BIRC5: variants seen among roughly 807,000 people sequenced by gnomAD.
The protein encoded by BIRC5 is baculoviral IAP repeat containing 5.
Under a neutral mutation model 15.8 loss-of-function variants are expected in BIRC5, and 8 were observed. The observed-to-expected ratio is 0.51, with a 90% CI of 0.30 to 0.91. The LOEUF (loss-of-function observed/expected upper bound fraction) is 0.91. Among genes scored for constraint, BIRC5 ranks in the 40% least tolerant of loss-of-function variants. The probability of loss-of-function intolerance (pLI) is 0.07; values close to 1 mark genes in which losing one functional copy is unlikely to be tolerated. For missense variants in BIRC5, 163 were observed against 178.6 expected (o/e 0.91, Z 0.50); for synonymous variants, 56 against 64.5 (o/e 0.87, Z 0.63).
At chr17:78,221,185 A>G (rs8075079) in intron 3 of BIRC5, among the ~76,000 whole-genome samples, 62,459 of 152,130 alleles carry the variant, frequency 0.41, 13,042 homozygotes, top group African/African-American at 0.49. Flanking sequence ...TTACTTGGTA[A>G]ATACTTGTGA....
In BIRC5 at chr17:78,224,051, GT is replaced by G. The variant is rs202011142; in HGVS notation, c.*499del. On this transcript the variant is annotated 3_prime_UTR_variant, in exon 4 of 4. Transcript: ENST00000350051. Reference sequence around the variant, plus strand: ...CTCCTCAGAGGACAGTTTTTTTGTTGTTGTGTTTTTTTGTTTTTTTTTTTTT... The same window carrying G: ...CTCCTCAGAGGACAGTTTTTTTGTTGTGTGTTTTTTTGTTTTTTTTTTTTT... 962 of 114,844 alleles carry G rather than the reference GT, an allele frequency of 8.4e-3. 25 individuals carry two copies. The highest frequency in any genetic ancestry group is 0.024 in the African/African-American group (676 of 28,192). The allele number at this position is 114,844 out of a possible 1,614,324, so 7.1% of individuals were successfully genotyped here. A position where few individuals can be genotyped will look rare whatever the true frequency, so the allele number is the denominator to read the frequency against.
chr17:78,217,308 C>T (rs887404353), intron 3 of BIRC5, among the ~76,000 whole-genome samples: 2 of 147,194 alleles, frequency 1.4e-5, no homozygotes, highest in Non-Finnish European at 1.5e-5. Flanking sequence ...CCCAAGTAGC[C>T]GAGATTACAG....
chr17:78,221,120 C>G (rs2076512468), intron 3 of BIRC5, among the ~76,000 whole-genome samples: 1 of 152,186 alleles, frequency 6.6e-6, no homozygotes, highest in Non-Finnish European at 1.5e-5. Context: ...GAAAATCGAT[C>G]AGGAAATAAA....
chr17:78,217,496 T>C (rs1414656133), intron 3 of BIRC5, among the ~76,000 whole-genome samples: 1 of 151,532 alleles, frequency 6.6e-6, no homozygotes, highest in Admixed American at 6.6e-5. Context: ...TTTTTATTTT[T>C]AAATTTATTT....
At chr17:78,217,622 G>A (rs1395194831) in intron 3 of BIRC5, among the ~76,000 whole-genome samples, 2 of 151,662 alleles carry the variant, frequency 1.3e-5, no homozygotes, top group South Asian at 4.2e-4. Flanking sequence ...TCAGCCTCCC[G>A]AGTAGCTGGG....
Position 78,223,482 on chromosome 17 carries a change from T to G in BIRC5, c.357T>G (p.Asn119Lys). 6.2e-7 allele frequency: 1 copy of G among 1,600,774 alleles called. No individual in the cohort carries two copies. Among genetic ancestry groups the G allele is most frequent in the Non-Finnish European group, 8.5e-7 (1 of 1,173,236 alleles). Residue 119 changes from asparagine (N) to lysine (K), a missense_variant, in exon 4 of 4, where the codon AAT (asparagine) becomes AAG (lysine). Physicochemically the swap from Asn to Lys is moderately conservative, Grantham distance 94. Transcript: ENST00000350051. Reference protein sequence around the residue: ...AKNKIAKETNNKKKEFEETAE... With the variant: ...AKNKIAKETNKKKKEFEETAE... ...ATTTCCAGGCAAAGGAAACCAACAA[T>G]AAGAAGAAAGAATTTGAGGAAACTG...
At chr17:78,214,561 G>A (rs2076463865) in intron 1 of BIRC5, 119 bp from the exon 2 acceptor site, 4 of 1,260,038 alleles carry the variant, frequency 3.2e-6, no homozygotes, top group Middle Eastern at 2.8e-4. Context: ...CACTGTGGCT[G>A]GGCCCCTTGG....
intron 3 of BIRC5, among the ~76,000 whole-genome samples, chr17:78,221,513 G>A (rs932860116): frequency 2.0e-5 from 3 of 151,452 alleles, no homozygotes; most frequent in African/African-American, 4.9e-5. Flanking sequence ...GGCAAGCTCC[G>A]CCTCCCAGGT....
chr17:78,216,811 C>T (rs373810661), intron 3 of BIRC5, 30 bp downstream of exon 3: 4 of 1,547,062 alleles, frequency 2.6e-6, no homozygotes, highest in African/African-American at 1.4e-5. Context: ...ACTGCTCAAA[C>T]CCTGTTCAAT....
In BIRC5 at chr17:78,224,704, G is replaced by A. The variant is rs1341792735; in HGVS notation, c.*1150G>A. 1 of 152,244 alleles carries A rather than the reference G, an allele frequency of 6.6e-6. No homozygotes were observed. The highest frequency in any genetic ancestry group is 1.5e-5 in the Non-Finnish European group (1 of 68,050). 9.4% of individuals were successfully genotyped at this position (152,244 alleles called of 1,614,324 possible). The stretch of plus-strand genomic sequence containing the variant: ...TAAAAAGCCTGTCATTTCAAACACT[G>A]CTGTGGACCCTACTGGGTTTTTAAA... On this transcript the variant is annotated 3_prime_UTR_variant, in exon 4 of 4. Coordinates refer to ENST00000350051, the MANE Select transcript of BIRC5 (RefSeq NM_001168.3).
intron 2 of BIRC5, chr17:78,216,428 C>T: frequency 2.3e-6 from 1 of 434,804 alleles, no homozygotes; most frequent in Non-Finnish European, 4.3e-6. Flanking sequence ...AAAATAGATA[C>T]ATTAGCCACA....
At chr17:78,218,266 CTTTATTTATTTA>C (rs144831740) in intron 3 of BIRC5, among the ~76,000 whole-genome samples, 8 of 150,352 alleles carry the variant, frequency 5.3e-5, no homozygotes, top group Non-Finnish European at 8.9e-5. Flanking sequence ...TGTAACTGGG[CTTTATTTATTTA>C]TTTATTTATT....
chr17:78,221,424 AT>A (rs979926848), intron 3 of BIRC5, among the ~76,000 whole-genome samples: 16 of 147,086 alleles, frequency 1.1e-4, no homozygotes, highest in Non-Finnish European at 4.5e-5. Flanking sequence ...CTAATTTTAA[AT>A]TTTTTTTTTT....
In BIRC5 at chr17:78,216,764, A is replaced by G. The variant is rs1486723102; in HGVS notation, c.322A>G (p.Arg108Gly). The G allele has an allele frequency of 6.2e-7, 1 of 1,613,756 alleles. No individual in the cohort carries two copies. The highest frequency in any genetic ancestry group is 1.1e-5 in the South Asian group (1 of 91,076). ...TGAATTTTTGAAACTGGACAGAGAAAGAGCCAAGAACAAAATTGTATGTAT... is the reference window on the plus strand; with the variant it reads ...TGAATTTTTGAAACTGGACAGAGAAGGAGCCAAGAACAAAATTGTATGTAT... ...LGEFLKLDRE[R>G]AKNKIAKETN... Residue 108 changes from arginine to glycine, a missense_variant, in exon 3 of 4, where the codon AGA (arginine) becomes GGA (glycine). Arg to Gly is a moderately radical substitution (Grantham distance 125). Transcript: ENST00000350051.
chr17:78,223,251 GT>G (rs1056094527), intron 3 of BIRC5, among the ~76,000 whole-genome samples: 1 of 152,230 alleles, frequency 6.6e-6, no homozygotes, highest in African/African-American at 2.4e-5. Flanking sequence ...AGTGTTTCCT[GT>G]TATTCGATGA....
intron 3 of BIRC5, among the ~76,000 whole-genome samples, chr17:78,219,385 A>G (rs1376812473): frequency 6.6e-6 from 1 of 152,108 alleles, no homozygotes; most frequent in African/African-American, 2.4e-5. Context: ...GGGTTTTGCC[A>G]TGTTGGCTAA....
intron 3 of BIRC5, among the ~76,000 whole-genome samples, 174 bp downstream of exon 3, chr17:78,216,955 C>T (rs972071708): frequency 1.3e-5 from 2 of 151,844 alleles, no homozygotes; most frequent in African/African-American, 4.8e-5. Flanking sequence ...TCTTGGCTCA[C>T]TGCAACCTCT....
At chr17:78,214,948 G>C (rs1490834763) in intron 2 of BIRC5, 159 bp downstream of exon 2, 1 of 675,986 alleles carries the variant, frequency 1.5e-6, no homozygotes, top group Non-Finnish European at 2.5e-6. Flanking sequence ...CTGGTGCCTT[G>C]GTGATGCTTA....
intron 3 of BIRC5, chr17:78,223,087 T>TG: frequency 4.9e-6 from 6 of 1,216,156 alleles, no homozygotes; most frequent in African/African-American, 3.1e-5. Context: ...CTAGACTAGC[T>TG]GGGTACTTTG....
Sources: gnomAD v4.1 joint callset for allele counts (sites outside exome capture counted in the v4.1 genomes callset) on GRCh38, gnomAD v4.1.1 for gene constraint, MANE v1.5 for transcripts, NCBI Gene and HGNC (gene_info 2026-07-23, HGNC 2026-07-21) for gene names.